The following AHI1 variants were observed in gnomAD, a reference collection of about 807,000 sequenced individuals.
The protein encoded by AHI1 is jouberin.
A neutral mutation model predicts 149.3 loss-of-function variants in AHI1; 123 were observed. That is an observed-to-expected ratio of 0.82 (90% CI 0.71 to 0.96). AHI1 has a LOEUF of 0.96. Ranked by LOEUF, AHI1 falls within the 40% of genes least tolerant of loss-of-function variation. AHI1 has a pLI of 0.00. For synonymous variants in AHI1, 475 were observed against 459.8 expected (o/e 1.03, Z -0.42); for missense variants, 1,439 against 1,422.7 (o/e 1.01, Z -0.18).
chr6:135,459,523 A>T (rs1390962074), intron 8 of AHI1, among the ~76,000 whole-genome samples: 1 of 152,144 alleles, frequency 6.6e-6, no homozygotes, highest in East Asian at 1.9e-4. Context: ...AAAATAGTAC[A>T]TAAATGTACA....
At position 135,331,687 on chromosome 6, in the gene AHI1, TCCA is replaced by T. The variant is rs769430605; in HGVS notation, c.3166-8366_3166-8364del. On this transcript the variant is annotated intron_variant, in intron 24 of 28. Coordinates refer to ENST00000265602, the MANE Select transcript of AHI1 (RefSeq NM_001134831.2). ...TCCAATAATTGATGTTCGTAATACC[TCCA>T]AGTCATTCGACAAGCTAAGCACTGA... 1.6e-3 allele frequency among the ~76,000 whole-genome samples: 239 copies of T among 152,322 alleles called. 1 individual carries two copies. Among genetic ancestry groups the T allele is most frequent in the Admixed American group, 2.9e-3 (45 of 15,308 alleles).
At chr6:135,418,944 A>ATTTTTTT (rs560654045) in intron 20 of AHI1, among the ~76,000 whole-genome samples, 4 of 141,396 alleles carry the variant, frequency 2.8e-5, no homozygotes, top group Non-Finnish European at 3.1e-5. Context: ...AGTACTTATA[A>ATTTTTTT]TTTTTTTTTT....
intron 24 of AHI1, among the ~76,000 whole-genome samples, chr6:135,327,337 G>A (rs956885376): frequency 3.9e-5 from 6 of 152,144 alleles, no homozygotes; most frequent in Admixed American, 2.0e-4. Flanking sequence ...TGTCATCTCC[G>A]GATGTAGAAA....
chr6:135,351,077 T>C (rs985408510), intron 24 of AHI1, among the ~76,000 whole-genome samples: 22 of 151,714 alleles, frequency 1.5e-4, no homozygotes, highest in African/African-American at 5.1e-4. Context: ...TCTGCATTGA[T>C]TTCAGGGAAG....
chr6:135,441,069 A>G (rs1413953376), intron 14 of AHI1, among the ~76,000 whole-genome samples: 1 of 152,074 alleles, frequency 6.6e-6, no homozygotes, highest in Non-Finnish European at 1.5e-5. Context: ...AAAGAAAACT[A>G]TATCTAAAGA....
rs1049787942 is a variant in AHI1 at position 135,456,501 on chromosome 6, C to T, written c.1152-575G>A. ...TTGAGGCTGTAGTAAGCTGTGATTGCACCACTGCACTCCAGCCAGTGAGAC... is the reference window on the plus strand; with the variant it reads ...TTGAGGCTGTAGTAAGCTGTGATTGTACCACTGCACTCCAGCCAGTGAGAC... On this transcript the variant is annotated intron_variant, in intron 9 of 28. Coordinates refer to ENST00000265602, the MANE Select transcript of AHI1 (RefSeq NM_001134831.2). Among the ~76,000 whole-genome samples the T allele has an allele frequency of 4.7e-5, 7 of 150,336 alleles. No individual in the cohort carries two copies. The South Asian group carries it at 1.3e-3, about 27-fold the overall frequency.
chr6:135,311,064 G>A (rs1785132950), intron 26 of AHI1, among the ~76,000 whole-genome samples: 1 of 152,084 alleles, frequency 6.6e-6, no homozygotes, highest in South Asian at 2.1e-4. Flanking sequence ...CACTTTGGGA[G>A]GCTGAGGCGC....
chr6:135,310,357 A>G (rs540201565), intron 26 of AHI1, among the ~76,000 whole-genome samples: 231 of 152,278 alleles, frequency 1.5e-3, no homozygotes, highest in Non-Finnish European at 2.6e-3. Flanking sequence ...ATTGCCTACC[A>G]TTTTTCTGAG....
intron 21 of AHI1, 43 bp from the exon 22 acceptor site, chr6:135,405,020 T>C: frequency 6.5e-7 from 1 of 1,529,492 alleles, no homozygotes; most frequent in Non-Finnish European, 9.0e-7. Context: ...CATAATTTCA[T>C]TAAATATTGA....
In AHI1 at chr6:135,314,548, T is replaced by C. The variant is rs192145342; in HGVS notation, c.3426+3971A>G. ...ATATTACACTTGTAACATTTGCCCATAATCAAATTCCTGCCAATCCTCTTG... is the reference window on the plus strand; with the variant it reads ...ATATTACACTTGTAACATTTGCCCACAATCAAATTCCTGCCAATCCTCTTG... On this transcript the variant is annotated intron_variant, in intron 26 of 28. Coordinates refer to ENST00000265602, the MANE Select transcript of AHI1 (RefSeq NM_001134831.2). Among the ~76,000 whole-genome samples the C allele has an allele frequency of 1.8e-3, 275 of 152,362 alleles. 1 individual carries two copies. Among genetic ancestry groups the C allele is most frequent in the Non-Finnish European group, 3.2e-3 (219 of 68,030 alleles).
At chr6:135,290,365 T>G (rs1007057453) in intron 28 of AHI1, 58 bp downstream of exon 28, 2 of 1,028,166 alleles carry the variant, frequency 1.9e-6, no homozygotes, top group African/African-American at 3.2e-5. Context: ...TGACCATGCT[T>G]TCCTAAATCT....
At position 135,475,408 on chromosome 6, in the gene AHI1, T is replaced by C. The variant is rs373364608; in HGVS notation, c.136-7774A>G. ...ATATTTTTAGGACCAGTCCTTGAAA[T>C]GTTGTGCTTGATAAGAGTGTTTCTA... On this transcript the variant is annotated intron_variant, in intron 5 of 28. Transcript: ENST00000265602. Among the ~76,000 whole-genome samples the C allele has an allele frequency of 7.9e-5, 12 of 152,324 alleles. 1 individual carries two copies. The highest frequency in any genetic ancestry group is 1.9e-4 in the East Asian group (1 of 5,194).
rs901145291 is a variant in AHI1, at chr6:135,284,376, A to T, written c.*1269T>A. 4.6e-5 allele frequency: 7 copies of T among 152,170 alleles called. No homozygotes were observed. Among genetic ancestry groups the T allele is most frequent in the Non-Finnish European group, 7.4e-5 (5 of 68,026 alleles). 9.4% of individuals were successfully genotyped at this position (152,170 alleles called of 1,614,324 possible). A position where few individuals can be genotyped will look rare whatever the true frequency, so the allele number is the denominator to read the frequency against. ...CCCAACATTGTTTTTCTCACTTCTT[A>T]TTTTAATGGAATTGACTGTCTAATT... On this transcript the variant is annotated 3_prime_UTR_variant, in exon 29 of 29. Transcript: ENST00000265602.
At chr6:135,293,396 AAAAAAAAAAG>A (rs530526115) in intron 27 of AHI1, among the ~76,000 whole-genome samples, 4,141 of 120,056 alleles carry the variant, frequency 0.034, 216 homozygotes, top group African/African-American at 0.15. Context: ...ACAGGGCAAA[AAAAAAAAAAG>A]AAAAAAAAAA....
chr6:135,375,804 A>ATTTTAGTTTCT (rs1199663157), intron 23 of AHI1, among the ~76,000 whole-genome samples: 1 of 152,202 alleles, frequency 6.6e-6, no homozygotes, highest in Non-Finnish European at 1.5e-5. Context: ...TTAGTCCCAG[A>ATTTTAGTTTCT]TTTTAGTTTC....
intron 24 of AHI1, among the ~76,000 whole-genome samples, chr6:135,344,561 T>C (rs1390011887): frequency 1.3e-5 from 2 of 151,956 alleles, no homozygotes; most frequent in Non-Finnish European, 2.9e-5. Context: ...AGAATGCCTA[T>C]AGCTATGTGA....
intron 28 of AHI1, among the ~76,000 whole-genome samples, chr6:135,289,965 C>T (rs1782136650): frequency 6.6e-6 from 1 of 151,440 alleles, no homozygotes; most frequent in African/African-American, 2.4e-5. Context: ...AAGTGGCCCA[C>T]TCTTGAGCTG....
chr6:135,356,610 C>T (rs1178991831), intron 24 of AHI1, among the ~76,000 whole-genome samples: 1 of 152,100 alleles, frequency 6.6e-6, no homozygotes, highest in Non-Finnish European at 1.5e-5. Context: ...TCAAAAAGGA[C>T]TGAATATATT....
intron 24 of AHI1, among the ~76,000 whole-genome samples, chr6:135,329,049 T>C (rs1315751242): frequency 6.6e-6 from 1 of 152,194 alleles, no homozygotes; most frequent in Non-Finnish European, 1.5e-5. Context: ...AGTTGGAAGC[T>C]AGCAGAGGTT....
Sources: gnomAD v4.1 joint callset for allele counts (sites outside exome capture counted in the v4.1 genomes callset) on GRCh38, gnomAD v4.1.1 for gene constraint, MANE v1.5 for transcripts, NCBI Gene and HGNC (gene_info 2026-07-23, HGNC 2026-07-21) for gene names.